Variants in GALNT14 observed in about 807,000 individuals in gnomAD.
GALNT14 encodes polypeptide N-acetylgalactosaminyltransferase 14, also known as UDP-GalNAc:polypeptide N-acetylgalactosaminyltransferase 14.
A neutral mutation model predicts 77.5 loss-of-function variants in GALNT14; 60 were observed. The ratio of observed to expected loss-of-function variants is 0.77; its 90% CI spans 0.63 to 0.96. The LOEUF is 0.96. Among genes scored for constraint, GALNT14 ranks in the 40% least tolerant of loss-of-function variants. The pLI, the probability that GALNT14 is intolerant of heterozygous loss-of-function variation, is 0.00. For synonymous variants in GALNT14, 280 were observed against 281.7 expected, an observed-to-expected ratio of 0.99 and a Z score of 0.06; for missense variants, 710 against 731.0, an observed-to-expected ratio of 0.97 and a Z score of 0.33.
chr2:31,059,881 T>A (rs1315719906), intron 1 of GALNT14, among the ~76,000 whole-genome samples: 1 of 152,198 alleles, frequency 6.6e-6, no homozygotes, highest in Non-Finnish European at 1.5e-5. Context: ...GTACTTCTGC[T>A]GTTTAGAACC....
chr2:31,031,305 T>G (rs997254868), intron 1 of GALNT14, among the ~76,000 whole-genome samples: 4 of 151,938 alleles, frequency 2.6e-5, no homozygotes, highest in African/African-American at 9.7e-5. Context: ...TAACAAAACT[T>G]CAAGCAGGTG....
At position 30,992,818 on chromosome 2, in the gene GALNT14, G is replaced by T. The variant is rs749868695; in HGVS notation, c.299+20C>A. 6.2e-7 allele frequency: 1 copy of T among 1,610,568 alleles called. No individual in the cohort carries two copies. Among genetic ancestry groups the T allele is most frequent in the South Asian group, 1.1e-5 (1 of 90,890 alleles). ...CTCTTTTGACTGCGGGGGTAACAGA[G>T]TGGGAGAAGGAGGAAGTACCTCAGA... On this transcript the variant is annotated intron_variant, in intron 2 of 14. Transcript: ENST00000349752.
intron 1 of GALNT14, among the ~76,000 whole-genome samples, chr2:31,097,537 A>T (rs1313189481): frequency 6.6e-6 from 1 of 152,006 alleles, no homozygotes; most frequent in East Asian, 1.9e-4. Context: ...AAAAAAAAAA[A>T]ATTGAATGAA....
chr2:31,022,111 C>T lies in GALNT14; in HGVS notation c.130-29104G>A, dbSNP rs75598563. Among the ~76,000 whole-genome samples the T allele has an allele frequency of 1.1e-4, 16 of 152,170 alleles. No individual in the cohort carries two copies. In the East Asian group the frequency reaches 2.9e-3, roughly 28 times the overall value. On this transcript the variant is annotated intron_variant, in intron 1 of 14. Coordinates refer to ENST00000349752, the MANE Select transcript of GALNT14 (RefSeq NM_024572.4). ...CTCCTGGTCTTCTATTCTTTGTGGGCTAGAACAGTGTCAGAGACTCTGCAT... is the reference window on the plus strand; with the variant it reads ...CTCCTGGTCTTCTATTCTTTGTGGGTTAGAACAGTGTCAGAGACTCTGCAT...
chr2:30,978,051 A>G (rs950012999), intron 2 of GALNT14, among the ~76,000 whole-genome samples: 14 of 152,108 alleles, frequency 9.2e-5, no homozygotes, highest in Admixed American at 7.9e-4. Flanking sequence ...CTGCAGTTAA[A>G]CCTTCACCAG....
At chr2:30,947,966 T>G (rs1558432136) in intron 6 of GALNT14, among the ~76,000 whole-genome samples, 1 of 152,246 alleles carries the variant, frequency 6.6e-6, no homozygotes, top group Non-Finnish European at 1.5e-5. Flanking sequence ...TAGTCAGCAC[T>G]GCACCTGCCC....
At chr2:31,122,986 C>A (rs1405844175) in intron 1 of GALNT14, among the ~76,000 whole-genome samples, 5 of 152,052 alleles carry the variant, frequency 3.3e-5, no homozygotes, top group Non-Finnish European at 7.4e-5. Context: ...TCAAGACCAT[C>A]CTGGCTAACA....
At chr2:30,890,157 C>A in the GALNT14 span, among the ~76,000 whole-genome samples, 1 of 152,062 alleles carries the variant, frequency 6.6e-6, no homozygotes, top group East Asian at 1.9e-4. Context: ...AAGGAGGAGC[C>A]CGGTGGTCTA....
the GALNT14 span, among the ~76,000 whole-genome samples, chr2:30,888,931 A>G: frequency 6.6e-6 from 1 of 151,372 alleles, no homozygotes; most frequent in Non-Finnish European, 1.5e-5. Flanking sequence ...CCACCTCCCA[A>G]TTTTCCTACT....
intron 1 of GALNT14, among the ~76,000 whole-genome samples, chr2:31,098,451 T>C (rs1002954633): frequency 6.6e-6 from 1 of 152,114 alleles, no homozygotes; most frequent in African/African-American, 2.4e-5. Context: ...TAATAATCCC[T>C]TTAAAAAATA....
At chr2:31,120,581 G>C (rs955683810) in intron 1 of GALNT14, among the ~76,000 whole-genome samples, 1 of 151,752 alleles carries the variant, frequency 6.6e-6, no homozygotes, top group Admixed American at 6.5e-5. Flanking sequence ...TTTTTAGACA[G>C]AGTCTCACTC....
At chr2:31,033,153 G>C (rs1672516925) in intron 1 of GALNT14, among the ~76,000 whole-genome samples, 1 of 152,136 alleles carries the variant, frequency 6.6e-6, no homozygotes, top group Non-Finnish European at 1.5e-5. Context: ...ATTGAAAAGT[G>C]ACTGACAGAC....
chr2:31,030,604 C>T (rs1441904968), intron 1 of GALNT14, among the ~76,000 whole-genome samples: 1 of 152,188 alleles, frequency 6.6e-6, no homozygotes, highest in Non-Finnish European at 1.5e-5. Flanking sequence ...CTGGCAAAAC[C>T]TCAAACCCTC....
At chr2:31,102,752 C>A (rs1190436194) in intron 1 of GALNT14, among the ~76,000 whole-genome samples, 1 of 152,018 alleles carries the variant, frequency 6.6e-6, no homozygotes, top group Non-Finnish European at 1.5e-5. Context: ...TTAAAGTGAT[C>A]CGTTACCAGC....
intron 10 of GALNT14, among the ~76,000 whole-genome samples, chr2:30,930,831 C>T (rs1665681640): frequency 6.6e-6 from 1 of 152,246 alleles, no homozygotes. Context: ...GCCATTAGCA[C>T]ATTGGAAGCT....
intron 10 of GALNT14, among the ~76,000 whole-genome samples, chr2:30,929,899 T>C (rs1269230035): frequency 6.6e-6 from 1 of 152,200 alleles, no homozygotes; most frequent in Non-Finnish European, 1.5e-5. Flanking sequence ...ATGATATTTT[T>C]CCCTTGGGGA....
intron 6 of GALNT14, among the ~76,000 whole-genome samples, chr2:30,948,129 C>T (rs1257636284): frequency 6.6e-6 from 1 of 152,232 alleles, no homozygotes; most frequent in Non-Finnish European, 1.5e-5. Context: ...CAAATACACA[C>T]ACAATTGTTC....
At chr2:30,982,316 T>C (rs190086398) in intron 2 of GALNT14, among the ~76,000 whole-genome samples, 3 of 152,256 alleles carry the variant, frequency 2.0e-5, no homozygotes, top group Admixed American at 2.0e-4. Flanking sequence ...CTTCTAGGGG[T>C]ACACCCTACA....
At chr2:30,996,376 G>A (rs1057175438) in intron 1 of GALNT14, among the ~76,000 whole-genome samples, 20 of 152,244 alleles carry the variant, frequency 1.3e-4, no homozygotes, top group Non-Finnish European at 2.8e-4. Flanking sequence ...CTGGCCACAC[G>A]TGGAGGACAA....
Sources: gnomAD v4.1 joint callset for allele counts (sites outside exome capture counted in the v4.1 genomes callset) on GRCh38, gnomAD v4.1.1 for gene constraint, MANE v1.5 for transcripts, NCBI Gene and HGNC (gene_info 2026-07-23, HGNC 2026-07-21) for gene names.